ATP2B4: variants seen among roughly 807,000 people sequenced by gnomAD.
The protein encoded by ATP2B4 is ATPase plasma membrane Ca2+ transporting 4, also known as plasma membrane calcium-transporting ATPase 4.
Under a neutral mutation model 110.3 loss-of-function variants are expected in ATP2B4, and 39 were observed. The observed-to-expected ratio is 0.35, with a 90% CI of 0.27 to 0.46. The LOEUF (loss-of-function observed/expected upper bound fraction) is 0.46, where lower values mean the gene tolerates loss of function less well. Among genes scored for constraint, ATP2B4 ranks in the 20% least tolerant of loss-of-function variants. The pLI, the probability that ATP2B4 is intolerant of heterozygous loss-of-function variation, is 1.00. For synonymous variants in ATP2B4, 538 were observed against 571.7 expected (o/e 0.94, Z 0.84); for missense variants, 1,135 against 1,530.9 (o/e 0.74, Z 4.32).
At chr1:203,721,508 A>T in intron 17 of ATP2B4, 98 bp downstream of exon 17, 1 of 1,256,780 alleles carries the variant, frequency 8.0e-7, no homozygotes, top group African/African-American at 1.5e-5. Flanking sequence ...GTCAGGAATA[A>T]GCGCAGCTTC....
In ATP2B4 at chr1:203,686,685, CTTTTT is replaced by C. The variant is rs779048789; in HGVS notation, c.193+3309_193+3313del. Among the ~76,000 whole-genome samples, 168 of 42,782 alleles carry C rather than the reference CTTTTT, an allele frequency of 3.9e-3. 2 individuals are homozygous for C. Among genetic ancestry groups the C allele is most frequent in the East Asian group, 0.028 (13 of 462 alleles). The allele number at this position is 42,782 out of a possible 152,430, so 28.1% of individuals were successfully genotyped here. A position where few individuals can be genotyped will look rare whatever the true frequency, so the allele number is the denominator to read the frequency against. On this transcript the variant is annotated intron_variant, in intron 2 of 20. Transcript: ENST00000357681. ...CCTGGTGTTTTTCTTTCTTTTCTTT[CTTTTT>C]TTTTTTTTTTTTTTTTTTTTTAGAA...
In ATP2B4 at chr1:203,707,001, C is replaced by G. The variant is rs1306289796; in HGVS notation, c.1100-8C>G. 12 of 1,612,414 alleles carry G rather than the reference C, an allele frequency of 7.4e-6. No homozygotes were observed. Among genetic ancestry groups the G allele is most frequent in the Non-Finnish European group, 1.0e-5 (12 of 1,179,126 alleles). ...GCCTGGGTTCATATGACTTGTTTCTCTGGACAGGTCTGCTCATGTCTGCTC... is the reference window on the plus strand; with the variant it reads ...GCCTGGGTTCATATGACTTGTTTCTGTGGACAGGTCTGCTCATGTCTGCTC... On this transcript the variant is annotated splice_region_variant and splice_polypyrimidine_tract_variant and intron_variant, in intron 8 of 20. Coordinates refer to ENST00000357681, the MANE Select transcript of ATP2B4 (RefSeq NM_001684.5).
At chr1:203,652,663 C>T (rs1664033991) in intron 1 of ATP2B4, among the ~76,000 whole-genome samples, 1 of 151,996 alleles carries the variant, frequency 6.6e-6, no homozygotes, top group Non-Finnish European at 1.5e-5. Context: ...CATGATGTTT[C>T]AAAGTTTTTC....
rs918998599 is a variant in ATP2B4 at position 203,679,799 on chromosome 1, T to G, written c.-464-2943T>G. 1.8e-4 allele frequency among the ~76,000 whole-genome samples: 27 copies of G among 152,186 alleles called. No homozygotes were observed. The East Asian group carries it at 4.5e-3, about 25-fold the overall frequency. ...TGGGAGACTGAGGCAGGAGAATCACTTGAACCCAGGAGGCAGAGGTTGCAA... is the reference window on the plus strand; with the variant it reads ...TGGGAGACTGAGGCAGGAGAATCACGTGAACCCAGGAGGCAGAGGTTGCAA... On this transcript the variant is annotated intron_variant, in intron 1 of 20. Transcript: ENST00000357681.
At chr1:203,707,801 A>G (rs1287447055) in intron 9 of ATP2B4, 61 bp from the exon 10 acceptor site, 1 of 1,592,450 alleles carries the variant, frequency 6.3e-7, no homozygotes, top group Non-Finnish European at 8.6e-7. Flanking sequence ...ATGGCCTTTG[A>G]CCTAGATTTA....
At chr1:203,722,326 C>G in intron 17 of ATP2B4, 152 bp from the exon 18 acceptor site, 1 of 673,618 alleles carries the variant, frequency 1.5e-6, no homozygotes, top group Non-Finnish European at 2.5e-6. Context: ...AGAGTGAGAC[C>G]CTGTGTCAAA....
At chr1:203,716,349 T>C (rs1279601948) in intron 15 of ATP2B4, among the ~76,000 whole-genome samples, 1 of 145,498 alleles carries the variant, frequency 6.9e-6, no homozygotes. Context: ...ATATGTGTGA[T>C]GTTCTGCCTA....
chr1:203,687,308 A>G (rs1266881284), intron 2 of ATP2B4, among the ~76,000 whole-genome samples: 1 of 150,934 alleles, frequency 6.6e-6, no homozygotes, highest in Non-Finnish European at 1.5e-5. Flanking sequence ...GAAAAAAAAG[A>G]AAAGAAAAGA....
intron 2 of ATP2B4, among the ~76,000 whole-genome samples, chr1:203,697,601 T>C (rs1665569861): frequency 6.6e-6 from 1 of 152,258 alleles, no homozygotes; most frequent in Non-Finnish European, 1.5e-5. Context: ...TTGCCCATTT[T>C]TAGACTGAAA....
In ATP2B4 at chr1:203,706,121, C is replaced by A. The variant is rs1222484894; in HGVS notation, c.1100-888C>A. ...GCCCTCAAAGCATCCAGGCAGCACCCATGGCAATCAGAACCCCTAAGCCAG... is the reference window on the plus strand; with the variant it reads ...GCCCTCAAAGCATCCAGGCAGCACCAATGGCAATCAGAACCCCTAAGCCAG... On this transcript the variant is annotated intron_variant, in intron 8 of 20. Transcript: ENST00000357681. Among the ~76,000 whole-genome samples, 3 of 152,208 alleles carry A rather than the reference C, an allele frequency of 2.0e-5. 1 individual carries two copies. Among genetic ancestry groups the A allele is most frequent in the Admixed American group, 2.0e-4 (3 of 15,286 alleles).
At chr1:203,705,230 A>T (rs745855847) in intron 8 of ATP2B4, among the ~76,000 whole-genome samples, 1 of 152,234 alleles carries the variant, frequency 6.6e-6, no homozygotes, top group African/African-American at 2.4e-5. Context: ...TAACCTCTTC[A>T]TGTCCATTCT....
chr1:203,635,146 G>T (rs1056714134), intron 1 of ATP2B4, among the ~76,000 whole-genome samples: 15 of 152,000 alleles, frequency 9.9e-5, no homozygotes, highest in African/African-American at 3.6e-4. Context: ...GGCTAATTTT[G>T]TATTTTTAGT....
intron 1 of ATP2B4, among the ~76,000 whole-genome samples, chr1:203,682,277 A>G (rs1665038391): frequency 6.6e-6 from 1 of 152,050 alleles, no homozygotes; most frequent in Non-Finnish European, 1.5e-5. Flanking sequence ...GTTGTGGGAG[A>G]GGAAGGCAGA....
intron 1 of ATP2B4, among the ~76,000 whole-genome samples, chr1:203,664,805 C>T (rs1381488568): frequency 6.6e-6 from 1 of 152,152 alleles, no homozygotes; most frequent in Non-Finnish European, 1.5e-5. Context: ...GTTAACTGCA[C>T]CTGCTAGTCC....
At chr1:203,723,809 G>A in intron 18 of ATP2B4, 72 bp from the exon 19 acceptor site, 2 of 1,234,668 alleles carry the variant, frequency 1.6e-6, no homozygotes, top group Non-Finnish European at 1.1e-6. Flanking sequence ...GTGGCTTTGG[G>A]GGCCTTGGCT....
At chr1:203,730,614 T>A (rs1303957333) in intron 20 of ATP2B4, among the ~76,000 whole-genome samples, 1 of 152,224 alleles carries the variant, frequency 6.6e-6, no homozygotes, top group East Asian at 1.9e-4. Context: ...CTTGCTCCTT[T>A]CCAGTCTTCT....
rs71145015 is a variant in ATP2B4, at chr1:203,687,994, GATTATTATTATTATT to G, written c.193+4627_193+4641del. On this transcript the variant is annotated intron_variant, in intron 2 of 20. Coordinates refer to ENST00000357681, the MANE Select transcript of ATP2B4 (RefSeq NM_001684.5). ...GCCTGGAGAGAGGGAGAGAGAAAGAGATTATTATTATTATTATTATTATTATTATTATTATTATTA... is the reference window on the plus strand; with the variant it reads ...GCCTGGAGAGAGGGAGAGAGAAAGAGATTATTATTATTATTATTATTATTA... 4.7e-3 allele frequency among the ~76,000 whole-genome samples: 653 copies of G among 138,678 alleles called. 12 individuals are homozygous for G. The highest frequency in any genetic ancestry group is 0.016 in the African/African-American group (601 of 36,734). The allele number at this position is 138,678 out of a possible 152,430, so 91.0% of individuals were successfully genotyped here. A position where few individuals can be genotyped will look rare whatever the true frequency, so the allele number is the denominator to read the frequency against.
chr1:203,650,048 T>C (rs1033538223), intron 1 of ATP2B4, among the ~76,000 whole-genome samples: 1 of 152,212 alleles, frequency 6.6e-6, no homozygotes, highest in African/African-American at 2.4e-5. Flanking sequence ...AGCCTTCCCT[T>C]CCATGGTGAT....
In ATP2B4 at chr1:203,714,228, G is replaced by A; in HGVS notation, c.2357G>A (p.Gly786Asp). 2 of 1,614,160 alleles carry A rather than the reference G, an allele frequency of 1.2e-6. No individual in the cohort carries two copies. Among genetic ancestry groups the A allele is most frequent in the Non-Finnish European group, 1.7e-6 (2 of 1,180,026 alleles). Reference protein sequence around the residue: ...HRQVVAVTGDGTNDGPALKKA... With the variant: ...HRQVVAVTGDDTNDGPALKKA... The stretch of plus-strand genomic sequence containing the variant: ...CAGGTCGTGGCTGTCACTGGTGATG[G>A]CACAAATGACGGGCCTGCTCTGAAG... The change falls in exon 15 of 21, where the codon GGC becomes GAC. Residue 786 changes from glycine (G) to aspartate (D), a missense_variant. Coordinates refer to ENST00000357681, the MANE Select transcript of ATP2B4 (RefSeq NM_001684.5).
Sources: gnomAD v4.1 joint callset for allele counts (sites outside exome capture counted in the v4.1 genomes callset) on GRCh38, gnomAD v4.1.1 for gene constraint, MANE v1.5 for transcripts, NCBI Gene and HGNC (gene_info 2026-07-23, HGNC 2026-07-21) for gene names.